ABR: variants seen among roughly 807,000 people sequenced by gnomAD.
ABR encodes ABR activator of RhoGEF and GTPase, also known as active breakpoint cluster region-related protein.
ABR carries 35 observed loss-of-function variants against 107.2 expected under a neutral mutation model. The ratio of observed to expected loss-of-function variants is 0.33; its 90% CI spans 0.25 to 0.43. The LOEUF (loss-of-function observed/expected upper bound fraction) is 0.43. ABR is among the 20% of genes least tolerant of loss of function. ABR has a pLI of 1.00. For missense variants in ABR, 815 were observed against 1,115.2 expected (o/e 0.73, Z 3.83); for synonymous variants, 498 against 462.0 (o/e 1.08, Z -1.00).
rs551718087 is a variant in ABR, at chr17:1,081,129, C to T, written c.640-1739G>A. Reference sequence around the variant, plus strand: ...ACACTCTCTGCACCATGTCTGACCCCGGGATCTTGGGCGGCCTTGGCAGGG... The same window carrying T: ...ACACTCTCTGCACCATGTCTGACCCTGGGATCTTGGGCGGCCTTGGCAGGG... On this transcript the variant is annotated intron_variant, in intron 5 of 22. Coordinates refer to ENST00000302538, the MANE Select transcript of ABR (RefSeq NM_021962.5). Among the ~76,000 whole-genome samples the T allele has an allele frequency of 1.2e-4, 18 of 152,298 alleles. No individual in the cohort carries two copies. In the East Asian group the frequency reaches 1.9e-3, roughly 16 times the overall value.
At chr17:1,217,223 T>G (rs901082050) in intron 1 of ABR, among the ~76,000 whole-genome samples, 2 of 152,122 alleles carry the variant, frequency 1.3e-5, no homozygotes, top group African/African-American at 4.8e-5. Flanking sequence ...CAGAGCACAG[T>G]GCGGCCGCCT....
intron 16 of ABR, among the ~76,000 whole-genome samples, chr17:1,014,874 A>G (rs2071019749): frequency 6.6e-6 from 1 of 151,994 alleles, no homozygotes; most frequent in African/African-American, 2.4e-5. Flanking sequence ...AAAAAACTAC[A>G]CAAACAAGCT....
chr17:1,173,589 A>G (rs1598050339), intron 1 of ABR, among the ~76,000 whole-genome samples: 1 of 152,068 alleles, frequency 6.6e-6, no homozygotes, highest in Non-Finnish European at 1.5e-5. Context: ...ACGAGCGAGT[A>G]CAATGACCAA....
intron 3 of ABR, among the ~76,000 whole-genome samples, chr17:1,098,977 G>A (rs2151330261): frequency 6.6e-6 from 1 of 152,154 alleles, no homozygotes; most frequent in South Asian, 2.1e-4. Context: ...AGTAGAGATG[G>A]GGCTTCACCA....
chr17:1,020,868 C>T (rs545183242), intron 16 of ABR, among the ~76,000 whole-genome samples: 24 of 152,224 alleles, frequency 1.6e-4, no homozygotes, highest in East Asian at 9.7e-4. Context: ...TGCCTCTGCC[C>T]GGAGGGCTGC....
At chr17:1,169,227 G>A (rs569469338) in intron 1 of ABR, among the ~76,000 whole-genome samples, 128 of 152,332 alleles carry the variant, frequency 8.4e-4, no homozygotes, top group Non-Finnish European at 1.1e-3. Flanking sequence ...GACCTGGTGC[G>A]TCCCCCTCAG....
chr17:1,014,255 C>A (rs1482543787), intron 16 of ABR, among the ~76,000 whole-genome samples: 1 of 151,628 alleles, frequency 6.6e-6, no homozygotes, highest in Non-Finnish European at 1.5e-5. Flanking sequence ...TCCTGGCTAA[C>A]ACGGTGAAAC....
intron 1 of ABR, among the ~76,000 whole-genome samples, chr17:1,171,678 T>A (rs2041715458): frequency 6.6e-6 from 1 of 152,184 alleles, no homozygotes; most frequent in Non-Finnish European, 1.5e-5. Context: ...ACGCCTGTAA[T>A]CCCAGCACTT....
At chr17:1,190,653 C>A (rs530313661), upstream of ABR, among the ~76,000 whole-genome samples, 4 of 152,122 alleles carry the variant, frequency 2.6e-5, no homozygotes, top group South Asian at 4.1e-4. Flanking sequence ...AAAACACACA[C>A]AAAAAAACTT....
chr17:1,199,040 C>T (rs1346456054), intron 1 of ABR, among the ~76,000 whole-genome samples: 5 of 126,802 alleles, frequency 3.9e-5, no homozygotes, highest in Non-Finnish European at 8.1e-5. Flanking sequence ...GGCAACAGAG[C>T]GGGACTCTGA....
chr17:1,005,202 T>A lies in ABR; in HGVS notation c.*878A>T. On this transcript the variant is annotated 3_prime_UTR_variant, in exon 23 of 23. Transcript: ENST00000302538. ...GGCTATCTCGATAGCAGGTCACCTG[T>A]GAGTCTTTACACTCAAAGGAAATAG... 2.5e-6 allele frequency: 1 copy of A among 398,736 alleles called. No homozygotes were observed. Among genetic ancestry groups the A allele is most frequent in the Non-Finnish European group, 4.4e-6 (1 of 226,146 alleles). 24.7% of individuals were successfully genotyped at this position (398,736 alleles called of 1,614,324 possible). A position where few individuals can be genotyped will look rare whatever the true frequency, so the allele number is the denominator to read the frequency against.
At chr17:1,026,577 G>C (rs574736781) in intron 16 of ABR, among the ~76,000 whole-genome samples, 5 of 152,116 alleles carry the variant, frequency 3.3e-5, no homozygotes, top group Non-Finnish European at 7.4e-5. Flanking sequence ...CCAGCTCCAC[G>C]GGCCCCTCCC....
At chr17:1,128,195 A>T (rs927416871) in intron 1 of ABR, among the ~76,000 whole-genome samples, 1 of 152,052 alleles carries the variant, frequency 6.6e-6, no homozygotes, top group Non-Finnish European at 1.5e-5. Flanking sequence ...AGCCCAGGAG[A>T]CTCCAACCAG....
At chr17:1,090,472 T>C (rs893549959) in intron 4 of ABR, among the ~76,000 whole-genome samples, 2 of 150,598 alleles carry the variant, frequency 1.3e-5, no homozygotes, top group African/African-American at 4.9e-5. Context: ...GGGCCATGGG[T>C]GGCCAAGAAG....
chr17:1,222,648 A>C (rs1481755633), intron 1 of ABR, among the ~76,000 whole-genome samples: 1 of 152,218 alleles, frequency 6.6e-6, no homozygotes, highest in East Asian at 1.9e-4. Flanking sequence ...GTGGTGGCTC[A>C]TATCTGTAAT....
chr17:1,208,183 C>G (rs2042832693), intron 1 of ABR, among the ~76,000 whole-genome samples: 1 of 152,086 alleles, frequency 6.6e-6, no homozygotes, highest in African/African-American at 2.4e-5. Flanking sequence ...AGAAGTTGCT[C>G]GACCCCCAGA....
At chr17:1,211,716 C>A (rs1175078979) in intron 1 of ABR, among the ~76,000 whole-genome samples, 1 of 152,192 alleles carries the variant, frequency 6.6e-6, no homozygotes, top group Non-Finnish European at 1.5e-5. Context: ...GACCCCAGAA[C>A]CTGCATCCTT....
At chr17:1,019,787 T>C (rs1399943828) in intron 16 of ABR, among the ~76,000 whole-genome samples, 1 of 152,254 alleles carries the variant, frequency 6.6e-6, no homozygotes, top group East Asian at 1.9e-4. Context: ...CGTTGGTGGA[T>C]GGGACACCTG....
rs571265987 is a variant in ABR at position 1,130,453 on chromosome 17, C to T, written c.62-5086G>A. 9.9e-5 allele frequency among the ~76,000 whole-genome samples: 15 copies of T among 151,914 alleles called. No homozygotes were observed. In the South Asian group the frequency reaches 2.9e-3, roughly 29 times the overall value. ...ACAGCAGCCGGGTCACAAATCAGAC[C>T]GTGTTGCCCCCCATTCACTTAGGGA... On this transcript the variant is annotated intron_variant, in intron 1 of 22. Coordinates refer to ENST00000302538, the MANE Select transcript of ABR (RefSeq NM_021962.5).
Sources: gnomAD v4.1 joint callset for allele counts (sites outside exome capture counted in the v4.1 genomes callset) on GRCh38, gnomAD v4.1.1 for gene constraint, MANE v1.5 for transcripts, NCBI Gene and HGNC (gene_info 2026-07-23, HGNC 2026-07-21) for gene names.